The following MTUS2 variants were observed in gnomAD, a reference collection of about 807,000 sequenced individuals.
The protein encoded by MTUS2 is microtubule associated scaffold protein 2.
A neutral mutation model predicts 114.1 loss-of-function variants in MTUS2; 40 were observed. That is an observed-to-expected ratio of 0.35 (90% CI 0.27 to 0.46). MTUS2 has a LOEUF of 0.46. Among genes scored for constraint, MTUS2 ranks in the 20% least tolerant of loss-of-function variants. The probability of loss-of-function intolerance (pLI) is 1.00; values close to 1 mark genes in which losing one functional copy is unlikely to be tolerated. For missense variants in MTUS2, 1,679 were observed against 1,705.4 expected, an observed-to-expected ratio of 0.98 and a Z score of 0.27; for synonymous variants, 688 against 672.0, an observed-to-expected ratio of 1.02 and a Z score of -0.37.
intron 5 of MTUS2, among the ~76,000 whole-genome samples, chr13:29,195,159 G>A (rs1188889212): frequency 1.3e-5 from 2 of 149,736 alleles, no homozygotes; most frequent in Non-Finnish European, 3.0e-5. Flanking sequence ...CGAGTTAATG[G>A]GTGCAGCACA....
rs191364768 is a variant in MTUS2 at position 29,029,323 on chromosome 13, A to G, written c.2205+2420A>G. 1.6e-4 allele frequency among the ~76,000 whole-genome samples: 25 copies of G among 152,342 alleles called. No homozygotes were observed. In the East Asian group the frequency reaches 3.3e-3, roughly 20 times the overall value. ...AGTGGCTTCTTACTCTGTGCCCTGC[A>G]ATGAGAACGTGTTCTGGCTAGAGGA... is the stretch of plus-strand genomic sequence containing the variant. On this transcript the variant is annotated intron_variant, in intron 3 of 15. Transcript: ENST00000612955.
chr13:29,216,078 A>C (rs746431601), intron 5 of MTUS2, among the ~76,000 whole-genome samples: 6 of 152,116 alleles, frequency 3.9e-5, no homozygotes, highest in African/African-American at 1.4e-4. Flanking sequence ...TGACCTGCCC[A>C]GTGAGGAGGA....
intron 2 of MTUS2, among the ~76,000 whole-genome samples, chr13:28,914,249 T>C (rs1313049079): frequency 6.6e-6 from 1 of 152,184 alleles, no homozygotes; most frequent in African/African-American, 2.4e-5. Flanking sequence ...TAAATTTTCC[T>C]CTTAACACTG....
intron 1 of MTUS2, among the ~76,000 whole-genome samples, chr13:28,826,663 A>C (rs182701414): frequency 6.6e-6 from 1 of 152,374 alleles, no homozygotes; most frequent in East Asian, 1.9e-4. Context: ...AAAAGCCAAC[A>C]TAATGCATTA....
At chr13:28,988,562 A>T (rs1884688161) in intron 2 of MTUS2, among the ~76,000 whole-genome samples, 1 of 152,340 alleles carries the variant, frequency 6.6e-6, no homozygotes, top group Non-Finnish European at 1.5e-5. Flanking sequence ...TGAGCAAACA[A>T]ATCAGGAAAA....
intron 2 of MTUS2, among the ~76,000 whole-genome samples, chr13:28,987,757 A>C (rs374487927): frequency 1.4e-3 from 196 of 137,852 alleles, no homozygotes; most frequent in African/African-American, 5.0e-3. Flanking sequence ...TTAAAATAAC[A>C]TGTGTTTCCA....
intron 1 of MTUS2, among the ~76,000 whole-genome samples, chr13:28,834,512 C>G (rs1874931957): frequency 6.6e-6 from 1 of 152,038 alleles, no homozygotes; most frequent in African/African-American, 2.4e-5. Flanking sequence ...GATCCTACTT[C>G]ATACCATATA....
chr13:29,375,605 ATACGT>A (rs1566163661), intron 8 of MTUS2, among the ~76,000 whole-genome samples: 514 of 11,706 alleles, frequency 0.044, 76 homozygotes, highest in East Asian at 0.15. Context: ...ATATATATAT[ATACGT>A]ATATATATAT....
chr13:29,402,393 A>C (rs1481959263), intron 8 of MTUS2, among the ~76,000 whole-genome samples: 1 of 152,200 alleles, frequency 6.6e-6, no homozygotes, highest in Non-Finnish European at 1.5e-5. Flanking sequence ...GTAGAGCCAG[A>C]AGCTGAGAAA....
chr13:29,069,526 C>A (rs898335628), intron 4 of MTUS2, among the ~76,000 whole-genome samples: 1 of 152,220 alleles, frequency 6.6e-6, no homozygotes, highest in African/African-American at 2.4e-5. Context: ...TCTAAAAACA[C>A]CCTCACAGAC....
intron 1 of MTUS2, among the ~76,000 whole-genome samples, chr13:28,836,726 A>C (rs894017772): frequency 4.6e-5 from 7 of 152,180 alleles, no homozygotes; most frequent in Non-Finnish European, 7.4e-5. Context: ...TTGCAACAGC[A>C]CTGCCCAGGA....
At chr13:29,092,089 C>G (rs1889979460) in intron 4 of MTUS2, among the ~76,000 whole-genome samples, 1 of 152,224 alleles carries the variant, frequency 6.6e-6, no homozygotes, top group Admixed American at 6.5e-5. Flanking sequence ...AGGAGGCAGT[C>G]AAATGCCTAG....
chr13:29,210,875 T>C (rs1454023889), intron 5 of MTUS2, among the ~76,000 whole-genome samples: 2 of 152,160 alleles, frequency 1.3e-5, no homozygotes, highest in Non-Finnish European at 2.9e-5. Context: ...TTGTAGTTTT[T>C]AGTGCACTGG....
At chr13:29,150,056 G>A (rs1290530078) in intron 5 of MTUS2, among the ~76,000 whole-genome samples, 1 of 152,122 alleles carries the variant, frequency 6.6e-6, no homozygotes, top group Non-Finnish European at 1.5e-5. Context: ...TATGAAGAGT[G>A]TCAATAGTAG....
chr13:29,459,783 G>C (rs746507958), intron 9 of MTUS2, among the ~76,000 whole-genome samples: 1 of 152,090 alleles, frequency 6.6e-6, no homozygotes, highest in Non-Finnish European at 1.5e-5. Flanking sequence ...TAGAATTCAG[G>C]CTTTTTAGCA....
chr13:29,004,838 CAGA>C (rs1885535887), intron 2 of MTUS2, among the ~76,000 whole-genome samples: 1 of 152,038 alleles, frequency 6.6e-6, no homozygotes, highest in Non-Finnish European at 1.5e-5. Context: ...AAGCCTAGTA[CAGA>C]AGAAGAGACA....
intron 3 of MTUS2, among the ~76,000 whole-genome samples, chr13:29,030,685 A>G (rs1403301820): frequency 6.6e-6 from 1 of 152,132 alleles, no homozygotes; most frequent in Non-Finnish European, 1.5e-5. Flanking sequence ...CACATTTTTG[A>G]TAATGTGTTG....
intron 2 of MTUS2, 107 bp downstream of exon 2, chr13:28,839,957 G>A (rs1337444806): frequency 2.7e-5 from 4 of 148,234 alleles, no homozygotes; most frequent in Non-Finnish European, 4.5e-5. Context: ...AATAGCTGGT[G>A]GTAGTTTTTT....
chr13:29,102,090 C>G (rs1190946802), intron 5 of MTUS2, among the ~76,000 whole-genome samples: 1 of 152,190 alleles, frequency 6.6e-6, no homozygotes, highest in African/African-American at 2.4e-5. Context: ...AGGAATATCA[C>G]TGTAATTAGT....
Sources: allele counts gnomAD v4.1 joint callset (sites outside exome capture counted in the v4.1 genomes callset), GRCh38; gene constraint gnomAD v4.1.1; transcripts MANE v1.5; gene names NCBI Gene and HGNC (gene_info 2026-07-23, HGNC 2026-07-21).